SNTB1: variants seen among roughly 807,000 people sequenced by gnomAD.
The protein encoded by SNTB1 is beta-1-syntrophin.
Under a neutral mutation model 48.9 loss-of-function variants are expected in SNTB1, and 36 were observed. The observed-to-expected ratio is 0.74, with a 90% CI of 0.56 to 0.97. The LOEUF (loss-of-function observed/expected upper bound fraction) is 0.97. Ranked by LOEUF, SNTB1 falls within the 50% of genes least tolerant of loss-of-function variation. SNTB1 has a pLI of 0.00. For synonymous variants in SNTB1, 299 were observed against 294.6 expected (o/e 1.01, Z -0.15); for missense variants, 786 against 703.4 (o/e 1.12, Z -1.33).
At chr8:120,551,254 C>CA (rs11304538) in intron 4 of SNTB1, among the ~76,000 whole-genome samples, 1,988 of 80,376 alleles carry the variant, frequency 0.025, 46 homozygotes, top group African/African-American at 0.074. Flanking sequence ...GACTCCATCT[C>CA]AAAAAAAAAA....
intron 2 of SNTB1, among the ~76,000 whole-genome samples, chr8:120,670,003 T>G (rs1385296221): frequency 6.6e-6 from 1 of 152,206 alleles, no homozygotes; most frequent in Non-Finnish European, 1.5e-5. Context: ...TAGTATAAAT[T>G]TTTCTCTAAG....
intron 3 of SNTB1, 93 bp downstream of exon 3, chr8:120,632,351 A>T: frequency 8.8e-7 from 1 of 1,141,246 alleles, no homozygotes; most frequent in Non-Finnish European, 1.3e-6. Context: ...TGAATGAGAG[A>T]ATCAGCCTAT....
chr8:120,674,340 T>C (rs191543952), intron 2 of SNTB1, among the ~76,000 whole-genome samples: 217 of 152,356 alleles, frequency 1.4e-3, no homozygotes, highest in African/African-American at 4.9e-3. Context: ...CTGTCTACTC[T>C]GAGCCAGTCA....
At chr8:120,563,732 C>G (rs1334257074) in intron 4 of SNTB1, among the ~76,000 whole-genome samples, 2 of 152,184 alleles carry the variant, frequency 1.3e-5, no homozygotes, top group Admixed American at 6.5e-5. Flanking sequence ...GCCATTCCCT[C>G]TTGTGCTGAA....
intron 6 of SNTB1, among the ~76,000 whole-genome samples, chr8:120,540,255 G>A (rs1441610438): frequency 1.3e-5 from 2 of 152,142 alleles, no homozygotes; most frequent in Non-Finnish European, 2.9e-5. Flanking sequence ...CCTCCACACT[G>A]GGAAGGTCTG....
chr8:120,674,504 T>C (rs1817804360), intron 2 of SNTB1, among the ~76,000 whole-genome samples: 1 of 152,226 alleles, frequency 6.6e-6, no homozygotes. Context: ...GTTGAGGCAT[T>C]GAGACTCAAG....
rs143149364 is a variant in SNTB1 at position 120,594,566 on chromosome 8, G to A, written c.997-19341C>T. The stretch of plus-strand genomic sequence containing the variant: ...AATACTTATTGTTTGTAGAGACAGG[G>A]TCTTGCTATGTTGCTTAGGCTGGTC... On this transcript the variant is annotated intron_variant, in intron 3 of 6. Transcript: ENST00000517992. Among the ~76,000 whole-genome samples, 361 of 152,126 alleles carry A rather than the reference G, an allele frequency of 2.4e-3. 4 individuals carry two copies. The highest frequency in any genetic ancestry group is 8.4e-3 in the African/African-American group (348 of 41,500).
intron 1 of SNTB1, among the ~76,000 whole-genome samples, chr8:120,797,017 C>A (rs1034851802): frequency 6.6e-6 from 1 of 151,928 alleles, no homozygotes; most frequent in Non-Finnish European, 1.5e-5. Flanking sequence ...TTTTACAAAC[C>A]ATTTTCTAAG....
At chr8:120,682,793 T>C (rs1025900669) in intron 2 of SNTB1, among the ~76,000 whole-genome samples, 28 of 152,092 alleles carry the variant, frequency 1.8e-4, no homozygotes, top group Non-Finnish European at 2.6e-4. Flanking sequence ...AAAATGGTGG[T>C]TCTGGTGGTA....
intron 2 of SNTB1, among the ~76,000 whole-genome samples, chr8:120,680,758 T>C (rs768803255): frequency 6.6e-6 from 1 of 152,152 alleles, no homozygotes; most frequent in African/African-American, 2.4e-5. Flanking sequence ...TAGAGTTCAA[T>C]TAATGTATCA....
chr8:120,544,993 CA>C (rs1231047802), intron 5 of SNTB1, among the ~76,000 whole-genome samples: 4 of 152,112 alleles, frequency 2.6e-5, no homozygotes, highest in Admixed American at 2.0e-4. Flanking sequence ...ATTGCATAAA[CA>C]GAGGAAATTT....
At chr8:120,689,171 T>C (rs1437084626) in intron 2 of SNTB1, among the ~76,000 whole-genome samples, 1 of 152,236 alleles carries the variant, frequency 6.6e-6, no homozygotes, top group Admixed American at 6.5e-5. Flanking sequence ...TCTATGGCTG[T>C]TGTATTTGAG....
chr8:120,804,720 C>T (rs555545134), intron 1 of SNTB1, among the ~76,000 whole-genome samples: 1 of 152,058 alleles, frequency 6.6e-6, no homozygotes, highest in South Asian at 2.1e-4. Context: ...TGTAATACGC[C>T]CCCCCAAGGC....
intron 1 of SNTB1, among the ~76,000 whole-genome samples, chr8:120,719,967 T>G (rs1027850748): frequency 6.6e-5 from 10 of 152,224 alleles, no homozygotes; most frequent in Admixed American, 6.5e-4. Flanking sequence ...ACTGTCTACA[T>G]AGTTCAATTA....
chr8:120,807,176 T>C (rs1282010122), intron 1 of SNTB1, among the ~76,000 whole-genome samples: 1 of 152,244 alleles, frequency 6.6e-6, no homozygotes, highest in East Asian at 1.9e-4. Flanking sequence ...AGATTCTGAC[T>C]CCTTGATCTC....
intron 1 of SNTB1, among the ~76,000 whole-genome samples, chr8:120,699,142 G>C (rs117609705): frequency 6.6e-6 from 1 of 152,158 alleles, no homozygotes; most frequent in Non-Finnish European, 1.5e-5. Context: ...TGGCTGCTGA[G>C]TTCCAGCCAT....
At chr8:120,566,725 G>A (rs1284760680) in intron 4 of SNTB1, among the ~76,000 whole-genome samples, 1 of 152,156 alleles carries the variant, frequency 6.6e-6, no homozygotes, top group Non-Finnish European at 1.5e-5. Flanking sequence ...CAGAGTTTCT[G>A]ATTCAGTTGG....
Position 120,557,454 on chromosome 8 carries a change from G to A in SNTB1, c.1137-8496C>T, listed in dbSNP as rs374555893. Among the ~76,000 whole-genome samples the A allele has an allele frequency of 3.0e-4, 45 of 152,290 alleles. No homozygotes were observed. The Middle Eastern group carries it at 0.014, about 46-fold the overall frequency. ...TGGCAGCCAACAGAGGTTCTTGGGT[G>A]CTTACTCTGTAGGGGTTGTTGCTTA... On this transcript the variant is annotated intron_variant, in intron 4 of 6. Coordinates refer to ENST00000517992, the MANE Select transcript of SNTB1 (RefSeq NM_021021.4).
chr8:120,641,366 T>A (rs908798176), intron 2 of SNTB1, among the ~76,000 whole-genome samples: 1 of 152,224 alleles, frequency 6.6e-6, no homozygotes, highest in Non-Finnish European at 1.5e-5. Context: ...ATTTAAAGCA[T>A]GCAAATACGT....
Sources: gnomAD v4.1 joint callset for allele counts (sites outside exome capture counted in the v4.1 genomes callset) on GRCh38, gnomAD v4.1.1 for gene constraint, MANE v1.5 for transcripts, NCBI Gene and HGNC (gene_info 2026-07-23, HGNC 2026-07-21) for gene names.